The following C20orf203 variants were observed in gnomAD, a reference collection of about 807,000 sequenced individuals.
C20orf203 encodes chromosome 20 open reading frame 203.
In C20orf203, 16 loss-of-function variants were observed where a neutral mutation model predicts 15.9. That is an observed-to-expected ratio of 1.01 (90% confidence interval 0.68 to 1.53). The LOEUF is 1.53. C20orf203 is among the 40% of genes most tolerant of loss of function. The probability of loss-of-function intolerance (pLI) is 0.00; values close to 1 mark genes in which losing one functional copy is unlikely to be tolerated. For synonymous variants in C20orf203, 98 were observed against 97.2 expected, an observed-to-expected ratio of 1.01 and a Z score of -0.05; for missense variants, 263 against 247.5, an observed-to-expected ratio of 1.06 and a Z score of -0.42.
In C20orf203 at chr20:32,634,094, C is replaced by G; in HGVS notation, c.*1476G>C. On this transcript the variant is annotated 3_prime_UTR_variant, in exon 6 of 6. Transcript: ENST00000608990. ...AGATGAATCCAGCCTGAGCTTTGTC[C>G]TTGGGGGACACAGAAAACAACAAAG... 2 of 398,566 alleles carry G rather than the reference C, an allele frequency of 5.0e-6. No homozygotes were observed. The highest frequency in any genetic ancestry group is 8.8e-6 in the Non-Finnish European group (2 of 226,100). The allele number at this position is 398,566 out of a possible 1,614,324, so 24.7% of individuals were successfully genotyped here. A position where few individuals can be genotyped will look rare whatever the true frequency, so the allele number is the denominator to read the frequency against.
chr20:32,671,121 G>A (rs1014699641), intron 1 of C20orf203, among the ~76,000 whole-genome samples: 19 of 152,218 alleles, frequency 1.2e-4, no homozygotes, highest in South Asian at 6.2e-4. Flanking sequence ...AAACAGTATG[G>A]AGGTTTCTCA....
At chr20:32,636,601 TCGCTCACTGAGCCCTGGAA>T (rs1161439566) in intron 5 of C20orf203, among the ~76,000 whole-genome samples, 1 of 152,158 alleles carries the variant, frequency 6.6e-6, no homozygotes, top group Non-Finnish European at 1.5e-5. Context: ...TCCTGCCTCA[TCGCTCACTGAGCCCTGGAA>T]GACAGCCTCG....
At chr20:32,660,250 C>A (rs1288133356) in intron 1 of C20orf203, among the ~76,000 whole-genome samples, 2 of 152,090 alleles carry the variant, frequency 1.3e-5, no homozygotes, top group Admixed American at 6.6e-5. Context: ...ATCTCCCAGC[C>A]GAGCCACCCA....
At position 32,632,141 on chromosome 20, in the gene C20orf203, C is replaced by T. The variant is rs1982011829; in HGVS notation, c.*3429G>A. The T allele has an allele frequency of 6.6e-6, 1 of 152,268 alleles. No individual in the cohort carries two copies. Among genetic ancestry groups the T allele is most frequent in the Non-Finnish European group, 1.5e-5 (1 of 68,082 alleles). The allele number at this position is 152,268 out of a possible 1,614,324, so 9.4% of individuals were successfully genotyped here. ...GTGGAACCCAGAGCAGTCTCCCCAG[C>T]CTGGGCTTGCATTTGAGCCTCACAA... On this transcript the variant is annotated 3_prime_UTR_variant, in exon 6 of 6. Transcript: ENST00000608990.
chr20:32,671,537 A>T (rs1417676757), intron 1 of C20orf203, among the ~76,000 whole-genome samples: 3 of 152,190 alleles, frequency 2.0e-5, no homozygotes, highest in Non-Finnish European at 4.4e-5. Context: ...AGTAGAAAAA[A>T]GAAAGGGAAA....
At chr20:32,665,709 T>C (rs1983002907) in intron 1 of C20orf203, among the ~76,000 whole-genome samples, 1 of 152,132 alleles carries the variant, frequency 6.6e-6, no homozygotes, top group East Asian at 1.9e-4. Context: ...CTCATGCCTG[T>C]AATCCCAGCA....
intron 4 of C20orf203, among the ~76,000 whole-genome samples, chr20:32,648,159 T>A (rs1194690505): frequency 2.6e-5 from 4 of 152,102 alleles, no homozygotes; most frequent in Admixed American, 2.6e-4. Flanking sequence ...GGGTCCTTTC[T>A]CCCAGTCCAG....
intron 1 of C20orf203, among the ~76,000 whole-genome samples, chr20:32,673,318 T>G (rs1983219233): frequency 6.6e-6 from 1 of 152,064 alleles, no homozygotes; most frequent in Non-Finnish European, 1.5e-5. Flanking sequence ...CCCTCAAGAC[T>G]GGCCGGAGGT....
At chr20:32,666,797 T>TTTTATATATATATATATATAAATA (rs367964394) in intron 1 of C20orf203, among the ~76,000 whole-genome samples, 1 of 65,594 alleles carries the variant, frequency 1.5e-5, no homozygotes, top group Non-Finnish European at 3.6e-5. Context: ...TAATTTTAAT[T>TTTTATATATATATATATATAAATA]TATATATATA....
intron 5 of C20orf203, among the ~76,000 whole-genome samples, 197 bp downstream of exon 5, chr20:32,640,369 A>T (rs1982247951): frequency 6.6e-6 from 1 of 152,136 alleles, no homozygotes; most frequent in Non-Finnish European, 1.5e-5. Context: ...TACTCACAGA[A>T]TTGTGAAGCC....
At chr20:32,644,813 T>C (rs1227765234) in intron 4 of C20orf203, among the ~76,000 whole-genome samples, 1 of 152,028 alleles carries the variant, frequency 6.6e-6, no homozygotes, top group Non-Finnish European at 1.5e-5. Context: ...TGACATTTAT[T>C]GAGCACCAGT....
At chr20:32,636,118 A>C (rs967524889) in intron 5 of C20orf203, among the ~76,000 whole-genome samples, 2 of 152,172 alleles carry the variant, frequency 1.3e-5, no homozygotes, top group African/African-American at 4.8e-5. Context: ...ACGGGTGTGC[A>C]TGCCCAGATA....
At chr20:32,656,966 G>T (rs746423975) in intron 1 of C20orf203, 1 of 152,138 alleles carries the variant, frequency 6.6e-6, no homozygotes, top group Non-Finnish European at 1.5e-5. Flanking sequence ...TAAATGAAAG[G>T]TGGTATATTC....
intron 5 of C20orf203, among the ~76,000 whole-genome samples, chr20:32,637,926 G>T (rs1269464370): frequency 6.6e-6 from 1 of 152,052 alleles, no homozygotes; most frequent in Non-Finnish European, 1.5e-5. Context: ...CTGTGTTTGT[G>T]TGTGTGCAGG....
Position 32,666,797 on chromosome 20 carries a change from T to TTTTATATATATATATATATATATATA in C20orf203, c.-264+6834_-264+6835insTATATATATATATATATATATATAAA, listed in dbSNP as rs367964394. Among the ~76,000 whole-genome samples, 431 of 65,538 alleles carry TTTTATATATATATATATATATATATA rather than the reference T, an allele frequency of 6.6e-3. 62 individuals are homozygous for TTTTATATATATATATATATATATATA. The highest frequency in any genetic ancestry group is 0.018 in the Middle Eastern group (1 of 56). The allele number at this position is 65,538 out of a possible 152,430, so 43.0% of individuals were successfully genotyped here. The stretch of plus-strand genomic sequence containing the variant: ...AAAAAAAGATGAAATTAATTTTAAT[T>TTTTATATATATATATATATATATATA]TATATATATATATATATATATATAT... On this transcript the variant is annotated intron_variant, in intron 1 of 5. Coordinates refer to ENST00000608990, the MANE Select transcript of C20orf203 (RefSeq NM_182584.4).
At chr20:32,666,155 T>TAAAAAAAAAAAAAAAAAAAAG (rs1983016463) in intron 1 of C20orf203, among the ~76,000 whole-genome samples, 2 of 102,778 alleles carry the variant, frequency 1.9e-5, no homozygotes, top group African/African-American at 3.7e-5. Context: ...ATAAATAAAG[T>TAAAAAAAAAAAAAAAAAAAAG]AAAAAAAAAA....
chr20:32,667,749 C>T (rs1983068798), intron 1 of C20orf203, among the ~76,000 whole-genome samples: 1 of 152,192 alleles, frequency 6.6e-6, no homozygotes, highest in Admixed American at 6.6e-5. Context: ...CGGCTCACTG[C>T]AACCTCCACC....
chr20:32,646,798 T>G (rs1163763846), intron 4 of C20orf203, among the ~76,000 whole-genome samples: 3 of 152,356 alleles, frequency 2.0e-5, no homozygotes, highest in Admixed American at 1.3e-4. Flanking sequence ...GCTGCTCCCC[T>G]GGCCTGACAC....
intron 1 of C20orf203, among the ~76,000 whole-genome samples, chr20:32,668,253 T>C (rs551282730): frequency 1.6e-4 from 24 of 152,196 alleles, no homozygotes; most frequent in African/African-American, 3.1e-4. Context: ...TACAAGAACA[T>C]TGAGCCCCAG....
Sources: allele counts gnomAD v4.1 joint callset (sites outside exome capture counted in the v4.1 genomes callset), GRCh38; gene constraint gnomAD v4.1.1; transcripts MANE v1.5; gene names NCBI Gene and HGNC (gene_info 2026-07-23, HGNC 2026-07-21).